The following PDILT variants were observed in gnomAD, a reference collection of about 807,000 sequenced individuals.
The protein encoded by PDILT is protein disulfide isomerase like, testis expressed, also known as protein disulfide-isomerase-like protein of the testis.
PDILT carries 43 observed loss-of-function variants against 53.7 expected under a neutral mutation model. That is an observed-to-expected ratio of 0.80 (90% CI 0.63 to 1.03). The LOEUF is 1.03. PDILT is among the 50% of genes least tolerant of loss of function. PDILT has a pLI of 0.00. For missense variants in PDILT, 727 were observed against 712.3 expected (o/e 1.02, Z -0.24); for synonymous variants, 282 against 274.2 (o/e 1.03, Z -0.28).
chr16:20,372,445 C>T (rs1407976738), intron 7 of PDILT, among the ~76,000 whole-genome samples: 2 of 152,172 alleles, frequency 1.3e-5, no homozygotes, highest in African/African-American at 4.8e-5. Context: ...GTCTTTCCTG[C>T]CCCCACCTCC....
chr16:20,401,969 G>T (rs940950272), intron 1 of PDILT, among the ~76,000 whole-genome samples: 1 of 152,228 alleles, frequency 6.6e-6, no homozygotes, highest in African/African-American at 2.4e-5. Flanking sequence ...CGGAGATCAA[G>T]CCCCACTGGC....
rs542720029 is a variant in PDILT, at chr16:20,403,939, G to C, written c.-8+557C>G. On this transcript the variant is annotated intron_variant, in intron 1 of 11. Coordinates refer to ENST00000302451, the MANE Select transcript of PDILT (RefSeq NM_174924.2). ...TCCTAGCTCGAATCCACGCTCATCA[G>C]AAGGGTCTTCCCGGGCCACTCTGTC... Among the ~76,000 whole-genome samples the C allele has an allele frequency of 3.9e-5, 6 of 152,166 alleles. No homozygotes were observed. The East Asian group carries it at 1.2e-3, about 29-fold the overall frequency.
At chr16:20,393,769 T>C (rs565249153) in intron 2 of PDILT, among the ~76,000 whole-genome samples, 1 of 152,314 alleles carries the variant, frequency 6.6e-6, no homozygotes, top group African/African-American at 2.4e-5. Flanking sequence ...TGAGGTTGGC[T>C]GGATAGGAAT....
At chr16:20,360,470 A>T (rs1256923753) in intron 11 of PDILT, 98 bp downstream of exon 11, 2 of 1,143,748 alleles carry the variant, frequency 1.7e-6, no homozygotes, top group East Asian at 4.7e-5. Flanking sequence ...CCATCTCCCA[A>T]GATTATGGAA....
intron 7 of PDILT, among the ~76,000 whole-genome samples, chr16:20,371,559 A>G (rs1268895693): frequency 6.6e-6 from 1 of 152,214 alleles, no homozygotes; most frequent in Non-Finnish European, 1.5e-5. Flanking sequence ...AAGAGGTGCA[A>G]TCTGTTGAAA....
rs567753678 is a variant in PDILT at position 20,373,200 on chromosome 16, T to C, written c.682-78A>G. 3.8e-4 allele frequency: 458 copies of C among 1,213,056 alleles called. 1 individual carries two copies. The highest frequency in any genetic ancestry group is 2.9e-3 in the African/African-American group (194 of 66,428). The allele number at this position is 1,213,056 out of a possible 1,614,324, so 75.1% of individuals were successfully genotyped here. A position where few individuals can be genotyped will look rare whatever the true frequency, so the allele number is the denominator to read the frequency against. On this transcript the variant is annotated intron_variant, in intron 5 of 11. Coordinates refer to ENST00000302451, the MANE Select transcript of PDILT (RefSeq NM_174924.2). ...ACTTAATAAATATAAATAGCACAATTTTCTCCTTGGATAAAAGGAAAGCAC... is the reference window on the plus strand; with the variant it reads ...ACTTAATAAATATAAATAGCACAATCTTCTCCTTGGATAAAAGGAAAGCAC...
intron 2 of PDILT, among the ~76,000 whole-genome samples, chr16:20,388,119 G>A (rs1056391792): frequency 3.9e-5 from 6 of 152,132 alleles, no homozygotes; most frequent in Admixed American, 6.6e-5. Context: ...GTTTTTATCT[G>A]AGTGACATAG....
intron 2 of PDILT, among the ~76,000 whole-genome samples, chr16:20,394,618 C>T (rs769220486): frequency 6.6e-6 from 1 of 152,230 alleles, no homozygotes; most frequent in African/African-American, 2.4e-5. Flanking sequence ...GATTCCGATT[C>T]AGTGCTTCTA....
chr16:20,384,563 C>T, intron 3 of PDILT, 82 bp downstream of exon 3: 2 of 1,541,204 alleles, frequency 1.3e-6, no homozygotes, highest in Non-Finnish European at 8.9e-7. Flanking sequence ...CTGCATGGAG[C>T]AGAGCCTCCC....
chr16:20,379,134 C>G (rs769279711), intron 3 of PDILT, among the ~76,000 whole-genome samples: 73 of 152,142 alleles, frequency 4.8e-4, no homozygotes, highest in Admixed American at 4.6e-4. Context: ...CCACCTCAGC[C>G]CCCTGAGTAG....
chr16:20,382,240 C>A (rs4780887), intron 3 of PDILT, among the ~76,000 whole-genome samples: 53,903 of 152,080 alleles, frequency 0.35, 11,947 homozygotes, highest in Non-Finnish European at 0.5. Flanking sequence ...AGGCATTGGA[C>A]TAGAATGAGA....
rs765210000 is a variant in PDILT at position 20,399,233 on chromosome 16, T to C, written c.68A>G (p.Glu23Gly). 1.1e-5 allele frequency: 17 copies of C among 1,613,938 alleles called. No homozygotes were observed. Among genetic ancestry groups the C allele is most frequent in the Non-Finnish European group, 1.4e-5 (17 of 1,179,950 alleles). ...ACVSAVHSSPEVNAGVSSIHI... is the reference protein window; with the variant it reads ...ACVSAVHSSPGVNAGVSSIHI... ...GATGCTGGAAACACCGGCGTTAACC[T>C]CTGGTGAGCTGTGGACAGCAGAGAC... The change falls in exon 2 of 12, where the codon GAG (glutamate) becomes GGG (glycine). Residue 23 changes from glutamate to glycine, a missense_variant. Transcript: ENST00000302451.
intron 3 of PDILT, among the ~76,000 whole-genome samples, chr16:20,378,676 G>T (rs1010503564): frequency 6.6e-6 from 1 of 152,082 alleles, no homozygotes; most frequent in Non-Finnish European, 1.5e-5. Flanking sequence ...TGTTCTCATT[G>T]TTCAACTCCC....
In PDILT at chr16:20,376,119, C is replaced by G; in HGVS notation, c.492G>C (p.Gln164His). The G allele has an allele frequency of 6.2e-7, 1 of 1,614,210 alleles. No individual in the cohort carries two copies. Among genetic ancestry groups the G allele is most frequent in the Non-Finnish European group, 8.5e-7 (1 of 1,180,032 alleles). The change falls in exon 4 of 12, where the codon CAG (glutamine) becomes CAC (histidine). Residue 164 changes from glutamine (Q) to histidine (H), a missense_variant. Transcript: ENST00000302451. ...QKAFLFNSSE[Q>H]VAEFVISRPL... is the part of the protein sequence containing the mutation. ...GCCTGGATATCACAAACTCTGCCAC[C>G]TGCTCGCTGCTGTTGAACAAAAATG...
Position 20,372,792 on chromosome 16 carries a change from C to T in PDILT, c.918+10G>A, listed in dbSNP as rs372156921. 1.9e-6 allele frequency: 3 copies of T among 1,613,214 alleles called. No homozygotes were observed. Among genetic ancestry groups the T allele is most frequent in the Non-Finnish European group, 1.7e-6 (2 of 1,179,446 alleles). ...AGGAGTCCCAGAGAGCAATGGTGCA[C>T]TCTACAAACCTTGTTTTGGAATTCC... On this transcript the variant is annotated intron_variant, in intron 7 of 11. Coordinates refer to ENST00000302451, the MANE Select transcript of PDILT (RefSeq NM_174924.2).
In PDILT at chr16:20,376,217, G is replaced by A. The variant is rs1318004095; in HGVS notation, c.410-16C>T. 2.5e-6 allele frequency: 4 copies of A among 1,613,616 alleles called. No homozygotes were observed. The South Asian group carries it at 4.4e-5, about 18-fold the overall frequency. ...TCAACCACTCCTGGAGAAAGACACA[G>A]TCAAATAGATACCAGAGAAGTTTCC... On this transcript the variant is annotated splice_polypyrimidine_tract_variant and intron_variant, in intron 3 of 11. Coordinates refer to ENST00000302451, the MANE Select transcript of PDILT (RefSeq NM_174924.2).
chr16:20,375,018 T>C (rs1407879685), intron 4 of PDILT, 59 bp from the exon 5 acceptor site: 1 of 1,535,306 alleles, frequency 6.5e-7, no homozygotes, highest in South Asian at 1.2e-5. Flanking sequence ...CTGGTTTATA[T>C]AAGGGAAAGA....
intron 2 of PDILT, among the ~76,000 whole-genome samples, chr16:20,397,334 G>T (rs1406128319): frequency 6.6e-6 from 1 of 152,072 alleles, no homozygotes; most frequent in Non-Finnish European, 1.5e-5. Context: ...TAAAGATGGG[G>T]TTCTGCCATG....
rs772316367 is a variant in PDILT at position 20,362,492 on chromosome 16, G to T, written c.1328C>A (p.Ala443Asp). ...KYQNHSTIII[A>D]KIDVTANDIQ... ...GTCATTTGCTGTGACATCGATCTTG[G>T]CAATGATAATTGTGGAGTGGTTTTG... Residue 443 changes from alanine to aspartate, a missense_variant, in exon 10 of 12, where the codon GCC becomes GAC. Physicochemically the swap from Ala to Asp is moderately radical, Grantham distance 126 (BLOSUM62 -2). Transcript: ENST00000302451. The T allele has an allele frequency of 3.7e-6, 6 of 1,614,060 alleles. No homozygotes were observed. The East Asian group carries it at 1.3e-4, about 36-fold the overall frequency.
Sources: gnomAD v4.1 joint callset for allele counts (sites outside exome capture counted in the v4.1 genomes callset) on GRCh38, gnomAD v4.1.1 for gene constraint, MANE v1.5 for transcripts, NCBI Gene and HGNC (gene_info 2026-07-23, HGNC 2026-07-21) for gene names.